The following CACNA1C variants were observed in gnomAD, a reference collection of about 807,000 sequenced individuals.
CACNA1C encodes calcium voltage-gated channel subunit alpha1 C.
Under a neutral mutation model 229.0 loss-of-function variants are expected in CACNA1C, and 30 were observed. The observed-to-expected ratio is 0.13, with a 90% CI of 0.10 to 0.18. The LOEUF (loss-of-function observed/expected upper bound fraction) is 0.18, where lower values mean the gene tolerates loss of function less well. Ranked by LOEUF, CACNA1C falls within the 10% of genes least tolerant of loss-of-function variation. The pLI is 1.00. For synonymous variants in CACNA1C, 1,114 were observed against 1,132.5 expected, an observed-to-expected ratio of 0.98 and a Z score of 0.33; for missense variants, 1,658 against 2,845.0, an observed-to-expected ratio of 0.58 and a Z score of 9.49.
chr12:2,144,117 A>G (rs142655999), intron 3 of CACNA1C, among the ~76,000 whole-genome samples: 11 of 151,496 alleles, frequency 7.3e-5, no homozygotes, highest in African/African-American at 2.7e-4. Context: ...TTCCTGTGTA[A>G]ACGCTGAGAA....
chr12:2,049,508 C>G (rs1352824971), upstream of CACNA1C: 1 of 152,232 alleles, frequency 6.6e-6, no homozygotes, highest in Non-Finnish European at 1.5e-5. Context: ...TCTGTGGTCA[C>G]ATTTAAAAAT....
intron 1 of CACNA1C, among the ~76,000 whole-genome samples, chr12:2,097,581 A>G (rs2074747917): frequency 6.6e-6 from 1 of 152,100 alleles, no homozygotes; most frequent in Non-Finnish European, 1.5e-5. Flanking sequence ...GATTTTTTCG[A>G]TAATAGCCGT....
At position 2,679,305 on chromosome 12, in the gene CACNA1C, C is replaced by T; in HGVS notation, c.5092-139C>T. The T allele has an allele frequency of 4.7e-6, 3 of 631,852 alleles. No homozygotes were observed. The highest frequency in any genetic ancestry group is 5.9e-5 in the Admixed American group (2 of 33,826). 39.1% of individuals were successfully genotyped at this position (631,852 alleles called of 1,614,324 possible). ...AAGGTCCTCAGGTGCTCCTGGCTCC[C>T]AGCAGGGCTGTGCCTACCCGAAAGA... On this transcript the variant is annotated intron_variant, in intron 41 of 46. Coordinates refer to ENST00000399655, the MANE Select transcript of CACNA1C (RefSeq NM_000719.7). The surrounding 1 kb of genome is among the most constrained non-coding windows in gnomAD (Gnocchi z 5.5).
At chr12:2,154,655 A>G (rs1458261718) in intron 3 of CACNA1C, among the ~76,000 whole-genome samples, 1 of 152,208 alleles carries the variant, frequency 6.6e-6, no homozygotes, top group Non-Finnish European at 1.5e-5. Flanking sequence ...AAGGTTTACC[A>G]GGCAGACTTA....
chr12:2,667,173 A>G (rs1348941421), intron 37 of CACNA1C, among the ~76,000 whole-genome samples: 9 of 146,636 alleles, frequency 6.1e-5, no homozygotes, highest in Admixed American at 4.7e-4. Flanking sequence ...ACTAAAATAC[A>G]AAGTTTACCA....
chr12:2,242,593 G>A (rs980757148), intron 3 of CACNA1C, among the ~76,000 whole-genome samples: 1 of 152,182 alleles, frequency 6.6e-6, no homozygotes. Context: ...TGGCCTGTTG[G>A]CCTCTACTTC....
chr12:2,571,125 A>G (rs1055072336), intron 13 of CACNA1C, among the ~76,000 whole-genome samples: 2 of 152,208 alleles, frequency 1.3e-5, no homozygotes, highest in African/African-American at 4.8e-5. Context: ...TACTATTATT[A>G]TTCCCACTTT....
rs375265901 is a variant in CACNA1C, at chr12:2,550,046, G to A, written c.1481+13G>A. 1.2e-5 allele frequency: 18 copies of A among 1,563,498 alleles called. No individual in the cohort carries two copies. The highest frequency in any genetic ancestry group is 6.9e-5 in the East Asian group (3 of 43,548). ...GGGCCAGGCTGGCGTGAGTAGGCACGGCGAGCCCAGGGGCTGGGGCTTTTT... is the reference window on the plus strand; with the variant it reads ...GGGCCAGGCTGGCGTGAGTAGGCACAGCGAGCCCAGGGGCTGGGGCTTTTT... On this transcript the variant is annotated intron_variant, in intron 10 of 46. Transcript: ENST00000399655.
chr12:2,636,872 C>T (rs2092791734), intron 30 of CACNA1C, among the ~76,000 whole-genome samples: 2 of 152,214 alleles, frequency 1.3e-5, no homozygotes, highest in Non-Finnish European at 2.9e-5. Context: ...CCTGTGTCCT[C>T]CCATACTGAG....
chr12:1,975,633 A>C (rs923242502), intron 1 of CACNA1C, among the ~76,000 whole-genome samples: 3 of 152,168 alleles, frequency 2.0e-5, no homozygotes, highest in Non-Finnish European at 4.4e-5. Flanking sequence ...AATACACTGC[A>C]TGTCCAAGCC....
rs537314363 is a variant in CACNA1C at position 2,144,349 on chromosome 12, A to G, written c.477+23919A>G. Among the ~76,000 whole-genome samples, 55 of 151,286 alleles carry G rather than the reference A, an allele frequency of 3.6e-4. 1 individual carries two copies. Among genetic ancestry groups the G allele is most frequent in the Admixed American group, 6.6e-4 (10 of 15,060 alleles). ...CCAGGTAAGGAAAAGAAGAGACACC[A>G]TTCCATGTGAAAGATATCATTTTGA... is the stretch of plus-strand genomic sequence containing the variant. On this transcript the variant is annotated intron_variant, in intron 3 of 46. Transcript: ENST00000399655.
intron 7 of CACNA1C, among the ~76,000 whole-genome samples, chr12:2,500,611 G>C (rs1161190878): frequency 1.3e-5 from 2 of 152,182 alleles, no homozygotes; most frequent in Non-Finnish European, 2.9e-5. Context: ...GGAACTGGCT[G>C]CTCCCACGTG....
At chr12:2,120,698 T>TGTGTGTGTGTG (rs2086283165) in intron 3 of CACNA1C, among the ~76,000 whole-genome samples, 6 of 79,966 alleles carry the variant, frequency 7.5e-5, no homozygotes, top group African/African-American at 2.6e-4. Flanking sequence ...GTGTGTGTGT[T>TGTGTGTGTGTG]TAGTAGCAAA....
chr12:2,355,995 A>G (rs933319126), intron 3 of CACNA1C, among the ~76,000 whole-genome samples: 2 of 152,214 alleles, frequency 1.3e-5, no homozygotes, highest in African/African-American at 2.4e-5. Flanking sequence ...CGCAACCCCC[A>G]GGAACCAGGG....
intron 3 of CACNA1C, among the ~76,000 whole-genome samples, chr12:2,179,779 T>A (rs2159102): frequency 0.44 from 66,422 of 152,050 alleles, 14,933 homozygotes; most frequent in African/African-American, 0.53. Flanking sequence ...GTTCAATGGA[T>A]ATATGCTTGC....
intron 1 of CACNA1C, among the ~76,000 whole-genome samples, chr12:2,107,170 T>C (rs2079317997): frequency 6.8e-6 from 1 of 146,638 alleles, no homozygotes; most frequent in Non-Finnish European, 1.5e-5. Flanking sequence ...CTGAAGCCAC[T>C]GGGTGCTCAC....
At chr12:2,182,918 G>A (rs550000066) in intron 3 of CACNA1C, among the ~76,000 whole-genome samples, 2 of 152,140 alleles carry the variant, frequency 1.3e-5, no homozygotes, top group Non-Finnish European at 1.5e-5. Flanking sequence ...TCTTGGTTTC[G>A]GTCCTTAGTC....
At chr12:2,441,884 T>C (rs1451451403) in intron 3 of CACNA1C, among the ~76,000 whole-genome samples, 1 of 152,202 alleles carries the variant, frequency 6.6e-6, no homozygotes, top group Non-Finnish European at 1.5e-5. Context: ...ATGGCATTGC[T>C]CTGGTTCAAG....
In CACNA1C at chr12:2,639,574, A is replaced by G. The variant is rs1361811384; in HGVS notation, c.3912+5194A>G. Among the ~76,000 whole-genome samples, 1 of 152,120 alleles carries G rather than the reference A, an allele frequency of 6.6e-6. No homozygotes were observed. Among genetic ancestry groups the G allele is most frequent in the Non-Finnish European group, 1.5e-5 (1 of 68,028 alleles). On this transcript the variant is annotated intron_variant, in intron 30 of 46. Coordinates refer to ENST00000399655, the MANE Select transcript of CACNA1C (RefSeq NM_000719.7). This position sits in a 1 kb window ranked among gnomAD's most constrained non-coding sequence, Gnocchi z 4.2. The stretch of plus-strand genomic sequence containing the variant: ...AATGAACTCCATTCTCTGGGCCTCA[A>G]TTTCCTTGAATGCAAAAGTGAGGAG...
Sources: gnomAD v4.1 joint callset for allele counts (sites outside exome capture counted in the v4.1 genomes callset) on GRCh38, gnomAD v4.1.1 for gene constraint, Gnocchi (gnomAD v3.1) non-coding constraint, MANE v1.5 for transcripts, NCBI Gene and HGNC (gene_info 2026-07-23, HGNC 2026-07-21) for gene names.